The following PPP1R12C variants were observed in gnomAD, a reference collection of about 807,000 sequenced individuals.
The protein encoded by PPP1R12C is leukocyte receptor cluster (LRC) encoded novel gene 3.
In PPP1R12C, 48 loss-of-function variants were observed where a neutral mutation model predicts 95.6. The observed-to-expected ratio is 0.50, with a 90% CI of 0.40 to 0.64. The LOEUF (loss-of-function observed/expected upper bound fraction) is 0.64, where lower values mean the gene tolerates loss of function less well. PPP1R12C is among the 30% of genes least tolerant of loss of function. PPP1R12C has a pLI of 0.00. For synonymous variants in PPP1R12C, 480 were observed against 460.8 expected (o/e 1.04, Z -0.53); for missense variants, 1,057 against 1,083.3 (o/e 0.98, Z 0.34).
rs1049858063 is a variant in PPP1R12C, at chr19:55,094,541, C to T, written c.1593-106G>A. On this transcript the variant is annotated intron_variant, in intron 12 of 21. Transcript: ENST00000263433. ...AGTTCTGTGGGAGGGGACTCCAACT[C>T]CCAGCAGACCTGAGGCCAGCTCTCC... is the stretch of plus-strand genomic sequence containing the variant. 4.5e-6 allele frequency: 7 copies of T among 1,568,682 alleles called. No homozygotes were observed. The Admixed American group carries it at 5.5e-5, about 12-fold the overall frequency.
intron 11 of PPP1R12C, 75 bp from the exon 12 acceptor site, chr19:55,094,873 G>T: frequency 6.7e-7 from 1 of 1,481,598 alleles, no homozygotes; most frequent in Non-Finnish European, 9.1e-7. Context: ...AGCCGTGAGT[G>T]AAAGAAACAA....
In PPP1R12C at chr19:55,091,154, G is replaced by C. The variant is rs2084834405; in HGVS notation, c.*318C>G. 2.5e-6 allele frequency: 1 copy of C among 405,206 alleles called. No individual in the cohort carries two copies. The highest frequency in any genetic ancestry group is 4.1e-5 in the Admixed American group (1 of 24,270). The allele number at this position is 405,206 out of a possible 1,614,324, so 25.1% of individuals were successfully genotyped here. A position where few individuals can be genotyped will look rare whatever the true frequency, so the allele number is the denominator to read the frequency against. On this transcript the variant is annotated 3_prime_UTR_variant, in exon 22 of 22. Coordinates refer to ENST00000263433, the MANE Select transcript of PPP1R12C (RefSeq NM_017607.4). ...GGGGTGGCATCACACGTGAGATGGG[G>C]ACCTCCAGGCGGCCACTCTGGTCCT... is the stretch of plus-strand genomic sequence containing the variant.
Position 55,107,001 on chromosome 19 carries a change from C to G in PPP1R12C, c.572-3433G>C, listed in dbSNP as rs565879272. On this transcript the variant is annotated intron_variant, in intron 3 of 21. Transcript: ENST00000263433. ...GGAGAGAACCTGTCTAAGAGTGAAG[C>G]CAACAGAGTTCAGCAGAGTGATAGA... is the stretch of plus-strand genomic sequence containing the variant. 4.0e-5 allele frequency among the ~76,000 whole-genome samples: 6 copies of G among 149,160 alleles called. No homozygotes were observed. In the South Asian group the frequency reaches 1.2e-3, roughly 31 times the overall value.
chr19:55,103,847 A>T (rs1422917511), intron 3 of PPP1R12C, among the ~76,000 whole-genome samples: 1 of 151,918 alleles, frequency 6.6e-6, no homozygotes, highest in Non-Finnish European at 1.5e-5. Context: ...CCGTATTTTT[A>T]TTATTTTTAA....
At position 55,098,941 on chromosome 19, in the gene PPP1R12C, T is replaced by C. The variant is rs200626130; in HGVS notation, c.876+10A>G. 9.1e-4 allele frequency: 1,449 copies of C among 1,590,850 alleles called. 15 individuals carry two copies. In the African/African-American group the frequency reaches 0.017, roughly 19 times the overall value. On this transcript the variant is annotated intron_variant, in intron 5 of 21. Coordinates refer to ENST00000263433, the MANE Select transcript of PPP1R12C (RefSeq NM_017607.4). The stretch of plus-strand genomic sequence containing the variant: ...CCCTGCCCCTCACCAGCCTGGGCAC[T>C]GGCCCTCACCGCATGGGTCAGTGAG...
chr19:55,096,176 C>CT lies in PPP1R12C; in HGVS notation c.1027dup (p.Ser343LysfsTer36). Reference sequence around the variant, plus strand: ...GCGACTGCTCAGACGACACACAGAGCTCCTGTTGGGGAAGGAGAGGGTGCT... The same window carrying CT: ...GCGACTGCTCAGACGACACACAGAGCTTCCTGTTGGGGAAGGAGAGGGTGCT... On this transcript the variant is annotated frameshift_variant and splice_region_variant, in exon 8 of 22. Coordinates refer to ENST00000263433, the MANE Select transcript of PPP1R12C (RefSeq NM_017607.4). LOFTEE classifies it high-confidence loss of function. The CT allele has an allele frequency of 6.2e-7, 1 of 1,607,124 alleles. No homozygotes were observed. Among genetic ancestry groups the CT allele is most frequent in the Non-Finnish European group, 8.5e-7 (1 of 1,175,744 alleles).
intron 3 of PPP1R12C, among the ~76,000 whole-genome samples, chr19:55,108,554 T>C (rs1179275539): frequency 2.0e-5 from 3 of 152,206 alleles, no homozygotes; most frequent in African/African-American, 4.8e-5. Flanking sequence ...CTACAGCCAT[T>C]CTACTGTCTG....
At chr19:55,095,386 G>A in intron 10 of PPP1R12C, 28 bp from the exon 11 acceptor site, 1 of 1,577,974 alleles carries the variant, frequency 6.3e-7, no homozygotes, top group Non-Finnish European at 8.6e-7. Context: ...GGGGAGGAAG[G>A]GGCAGTTCCC....
intron 4 of PPP1R12C, among the ~76,000 whole-genome samples, chr19:55,100,377 T>C (rs937647278): frequency 6.6e-6 from 1 of 152,246 alleles, no homozygotes; most frequent in Non-Finnish European, 1.5e-5. Flanking sequence ...CCAGGGAGGC[T>C]GCCCCACATC....
chr19:55,099,445 G>GC (rs1364764367), intron 4 of PPP1R12C, among the ~76,000 whole-genome samples: 1 of 152,318 alleles, frequency 6.6e-6, no homozygotes, highest in Non-Finnish European at 1.5e-5. Flanking sequence ...ACCCTTGCCA[G>GC]CCCCCATGCC....
At chr19:55,100,410 G>A (rs762498302) in intron 4 of PPP1R12C, among the ~76,000 whole-genome samples, 3 of 152,250 alleles carry the variant, frequency 2.0e-5, no homozygotes, top group Non-Finnish European at 2.9e-5. Flanking sequence ...GGACGGCCCC[G>A]CAGCAAGAGC....
In PPP1R12C at chr19:55,095,668, C is replaced by T. The variant is rs918254809; in HGVS notation, c.1228-65G>A. ...CCTCTTCTCAGACCTCAAGGGTTAG[C>T]CCCCAAAGGACTGCAACAAACTACA... On this transcript the variant is annotated intron_variant, in intron 9 of 21. Transcript: ENST00000263433. 1.9e-5 allele frequency: 29 copies of T among 1,505,198 alleles called. No individual in the cohort carries two copies. In the African/African-American group the frequency reaches 2.1e-4, roughly 11 times the overall value. The allele number at this position is 1,505,198 out of a possible 1,614,324, so 93.2% of individuals were successfully genotyped here.
intron 4 of PPP1R12C, among the ~76,000 whole-genome samples, chr19:55,101,898 A>G (rs979414334): frequency 1.3e-5 from 2 of 152,058 alleles, no homozygotes; most frequent in African/African-American, 4.8e-5. Context: ...GAGCTGTTAC[A>G]GGTGCTAAGC....
At chr19:55,095,221 G>T (rs1396423183) in intron 11 of PPP1R12C, 70 bp downstream of exon 11, 3 of 1,461,810 alleles carry the variant, frequency 2.1e-6, no homozygotes, top group East Asian at 2.5e-5. Context: ...TCTCACTCAG[G>T]ATCACACGGA....
intron 3 of PPP1R12C, among the ~76,000 whole-genome samples, chr19:55,104,168 A>AC: frequency 1.0e-5 from 1 of 99,386 alleles, no homozygotes; most frequent in South Asian, 3.7e-4. Flanking sequence ...GTCTAAAAAA[A>AC]AAAAAAAAAA....
intron 3 of PPP1R12C, among the ~76,000 whole-genome samples, chr19:55,106,898 G>A (rs1473307737): frequency 6.6e-6 from 1 of 152,218 alleles, no homozygotes; most frequent in African/African-American, 2.4e-5. Context: ...GGCCCAGTGA[G>A]CATCACGCAC....
rs374636098 is a variant in PPP1R12C, at chr19:55,092,501, G to C, written c.1996C>G (p.Arg666Gly). ...GPSARRQRWQ[R>G]DLNPEPEPES... is the part of the protein sequence containing the mutation. Reference sequence around the variant, plus strand: ...GGCTCAGGTTCTGGGTTGAGGTCCCGCTGCCACCGCTGCCTGCGGGCCGAG... The same window carrying C: ...GGCTCAGGTTCTGGGTTGAGGTCCCCCTGCCACCGCTGCCTGCGGGCCGAG... The change falls in exon 18 of 22, where the codon CGG becomes GGG. Residue 666 changes from arginine (R) to glycine (G), a missense_variant. Arg to Gly is a moderately radical substitution (Grantham distance 125). Transcript: ENST00000263433. The C allele has an allele frequency of 1.2e-6, 2 of 1,608,766 alleles. No homozygotes were observed. The highest frequency in any genetic ancestry group is 1.7e-6 in the Non-Finnish European group (2 of 1,178,134).
intron 1 of PPP1R12C, chr19:55,114,170 A>T (rs1568822082): frequency 8.7e-6 from 1 of 115,062 alleles, no homozygotes; most frequent in Non-Finnish European, 1.8e-5. Flanking sequence ...CCACCCTCAG[A>T]CCCAGGAGTC....
intron 3 of PPP1R12C, among the ~76,000 whole-genome samples, chr19:55,105,980 C>T (rs377363052): frequency 9.9e-5 from 15 of 152,080 alleles, no homozygotes; most frequent in African/African-American, 2.9e-4. Context: ...CCTCCCTCTC[C>T]GCCAGCCCCT....
Sources: gnomAD v4.1 joint callset for allele counts (sites outside exome capture counted in the v4.1 genomes callset) on GRCh38, gnomAD v4.1.1 for gene constraint, MANE v1.5 for transcripts, NCBI Gene and HGNC (gene_info 2026-07-23, HGNC 2026-07-21) for gene names.